The following AFG2A variants were observed in gnomAD, a reference collection of about 807,000 sequenced individuals.
AFG2A encodes ATPase family gene 2 protein homolog A.
chr4:122,966,731 C>G, the AFG2A span, among the ~76,000 whole-genome samples: 3 of 152,118 alleles, frequency 2.0e-5, no homozygotes, highest in Admixed American at 2.0e-4. Context: ...GTTTTTGTGC[C>G]ACTTTGTTCT....
chr4:123,118,743 T>A, the AFG2A span, among the ~76,000 whole-genome samples: 1 of 152,214 alleles, frequency 6.6e-6, no homozygotes, highest in African/African-American at 2.4e-5. Flanking sequence ...ATTCTACCAT[T>A]TTTTACTTTC....
the AFG2A span, among the ~76,000 whole-genome samples, chr4:123,042,184 A>ACTG: frequency 6.6e-6 from 1 of 152,192 alleles, no homozygotes; most frequent in African/African-American, 2.4e-5. Context: ...AATACCATAG[A>ACTG]CTGGGTGGTT....
chr4:123,094,578 G>A, the AFG2A span, among the ~76,000 whole-genome samples: 1 of 151,886 alleles, frequency 6.6e-6, no homozygotes, highest in East Asian at 1.9e-4. Context: ...GATCTCTAAG[G>A]CAAAACACTC....
At chr4:123,154,651 C>G in the AFG2A span, among the ~76,000 whole-genome samples, 1 of 152,060 alleles carries the variant, frequency 6.6e-6, no homozygotes, top group Non-Finnish European at 1.5e-5. Flanking sequence ...AGCTGTGTAA[C>G]CACAGCACTT....
At chr4:122,970,793 T>C in the AFG2A span, among the ~76,000 whole-genome samples, 1 of 151,818 alleles carries the variant, frequency 6.6e-6, no homozygotes, top group East Asian at 1.9e-4. Context: ...TTAGAACGTA[T>C]CCCTGTCATT....
chr4:123,119,412 G>C, the AFG2A span, among the ~76,000 whole-genome samples: 2 of 152,130 alleles, frequency 1.3e-5, no homozygotes, highest in Non-Finnish European at 2.9e-5. Context: ...ATAGCAGAGG[G>C]CCTTCTTATC....
chr4:122,957,947 T>A, the AFG2A span, among the ~76,000 whole-genome samples: 1 of 152,316 alleles, frequency 6.6e-6, no homozygotes, highest in African/African-American at 2.4e-5. Context: ...ATTTGAGAAA[T>A]ATGTGTGAAA....
At chr4:123,009,332 A>G in the AFG2A span, among the ~76,000 whole-genome samples, 1 of 152,218 alleles carries the variant, frequency 6.6e-6, no homozygotes, top group Non-Finnish European at 1.5e-5. Flanking sequence ...GACCTCAGCT[A>G]TCCAGATTCC....
chr4:122,952,409 AAACAGTAT>A, the AFG2A span, among the ~76,000 whole-genome samples: 1 of 152,158 alleles, frequency 6.6e-6, no homozygotes, highest in Non-Finnish European at 1.5e-5. Flanking sequence ...CTTCTTGACT[AAACAGTAT>A]AGGGGTCTAA....
At chr4:122,948,843 A>G in the AFG2A span, among the ~76,000 whole-genome samples, 866 of 152,342 alleles carry the variant, frequency 5.7e-3, 8 homozygotes, top group African/African-American at 0.019. Flanking sequence ...CCGCACCAGC[A>G]TACCCTTGCG....
At chr4:123,029,817 T>G in the AFG2A span, among the ~76,000 whole-genome samples, 3 of 152,164 alleles carry the variant, frequency 2.0e-5, no homozygotes, top group African/African-American at 4.8e-5. Context: ...TTTAACATTT[T>G]TGTAGAGACA....
the AFG2A span, among the ~76,000 whole-genome samples, chr4:122,964,377 G>A: frequency 6.6e-6 from 1 of 151,816 alleles, no homozygotes; most frequent in African/African-American, 2.4e-5. Flanking sequence ...GGTGGCACAT[G>A]CCTGTAGTCC....
At chr4:123,153,189 A>T in the AFG2A span, among the ~76,000 whole-genome samples, 1 of 152,148 alleles carries the variant, frequency 6.6e-6, no homozygotes, top group African/African-American at 2.4e-5. Context: ...CTTATCTGGG[A>T]CTTTCTCCTG....
the AFG2A span, among the ~76,000 whole-genome samples, chr4:123,252,208 T>G: frequency 2.0e-5 from 3 of 152,182 alleles, no homozygotes; most frequent in African/African-American, 7.2e-5. Context: ...CTTTTTTCCA[T>G]TACATTTGTT....
the AFG2A span, among the ~76,000 whole-genome samples, chr4:123,269,021 G>A: frequency 3.6e-4 from 55 of 152,254 alleles, no homozygotes; most frequent in Middle Eastern, 3.4e-3. Context: ...AATTATAAAA[G>A]CAAAGTATTG....
chr4:123,068,493 A>G, the AFG2A span, among the ~76,000 whole-genome samples: 40 of 152,212 alleles, frequency 2.6e-4, no homozygotes, highest in African/African-American at 2.4e-4. Flanking sequence ...GGAGGTGTCA[A>G]TAAAACATTT....
the AFG2A span, among the ~76,000 whole-genome samples, chr4:122,960,299 T>C: frequency 6.6e-6 from 1 of 152,236 alleles, no homozygotes; most frequent in African/African-American, 2.4e-5. Flanking sequence ...TAGATAAGCA[T>C]ACTGCATTTT....
the AFG2A span, among the ~76,000 whole-genome samples, chr4:123,272,037 G>A: frequency 1.3e-5 from 2 of 152,214 alleles, no homozygotes; most frequent in Middle Eastern, 3.4e-3. Flanking sequence ...GAAATTCTTT[G>A]AGGAAAAGAC....
At chr4:123,214,720 C>A in the AFG2A span, among the ~76,000 whole-genome samples, 44 of 152,100 alleles carry the variant, frequency 2.9e-4, no homozygotes, top group African/African-American at 9.6e-4. Context: ...AAACACTACT[C>A]AGCCTTAAGA....
Sources: gnomAD v4.1 joint callset for allele counts (sites outside exome capture counted in the v4.1 genomes callset) on GRCh38, gnomAD v4.1.1 for gene constraint, MANE v1.5 for transcripts, NCBI Gene and HGNC (gene_info 2026-07-23, HGNC 2026-07-21) for gene names.